The following CCDC85C variants were observed in gnomAD, a reference collection of about 807,000 sequenced individuals.
CCDC85C encodes coiled-coil domain containing 85C, also known as coiled-coil domain-containing protein 85C.
CCDC85C carries 18 observed loss-of-function variants against 38.3 expected under a neutral mutation model. The ratio of observed to expected loss-of-function variants is 0.47; its 90% CI spans 0.33 to 0.70. The LOEUF is 0.70. CCDC85C is among the 30% of genes least tolerant of loss of function. The pLI, the probability that CCDC85C is intolerant of heterozygous loss-of-function variation, is 0.03. For missense variants in CCDC85C, 566 were observed against 621.2 expected, an observed-to-expected ratio of 0.91 and a Z score of 0.94; for synonymous variants, 264 against 293.8, an observed-to-expected ratio of 0.90 and a Z score of 1.04.
At chr14:99,566,608 C>G (rs1395008696) in intron 1 of CCDC85C, among the ~76,000 whole-genome samples, 1 of 152,202 alleles carries the variant, frequency 6.6e-6, no homozygotes, top group Non-Finnish European at 1.5e-5. Context: ...CCCATGAACT[C>G]TGCACCCATT....
intron 1 of CCDC85C, among the ~76,000 whole-genome samples, chr14:99,594,925 TG>T: frequency 6.6e-6 from 1 of 152,254 alleles, no homozygotes; most frequent in Non-Finnish European, 1.5e-5. Flanking sequence ...ATTTATCAGG[TG>T]GGGAGCAGGG....
At position 99,604,042 on chromosome 14, in the gene CCDC85C, G is replaced by A. The variant is rs1014572609; in HGVS notation, c.-83C>T. The A allele has an allele frequency of 1.0e-6, 1 of 984,974 alleles. No homozygotes were observed. The highest frequency in any genetic ancestry group is 1.8e-5 in the African/African-American group (1 of 56,590). The allele number at this position is 984,974 out of a possible 1,614,324, so 61.0% of individuals were successfully genotyped here. ...CCGGGGCTCCGCTGGGCCGGTCCGC[G>A]CGCGGGCGGGGGGCGGCCGGGGGCG... On this transcript the variant is annotated 5_prime_UTR_variant, in exon 1 of 6. Transcript: ENST00000380243.
intron 1 of CCDC85C, among the ~76,000 whole-genome samples, chr14:99,542,604 C>T (rs1378817562): frequency 1.3e-5 from 2 of 152,166 alleles, no homozygotes; most frequent in African/African-American, 2.4e-5. Flanking sequence ...GGGTAGCAGC[C>T]GGCCTCCTCT....
chr14:99,516,315 G>C lies in CCDC85C; in HGVS notation c.1072-29C>G. On this transcript the variant is annotated intron_variant, in intron 4 of 5. Coordinates refer to ENST00000380243, the MANE Select transcript of CCDC85C (RefSeq NM_001144995.2). The surrounding 1 kb of genome is among the most constrained non-coding windows in gnomAD (Gnocchi z 5.5). Reference sequence around the variant, plus strand: ...AAGGGAACGGGTCTCGGGGTCAGGGGCAGAGGCCACCGGCAGACCTCGGGC... The same window carrying C: ...AAGGGAACGGGTCTCGGGGTCAGGGCCAGAGGCCACCGGCAGACCTCGGGC... 1 of 1,506,234 alleles carries C rather than the reference G, an allele frequency of 6.6e-7. No homozygotes were observed. Among genetic ancestry groups the C allele is most frequent in the Non-Finnish European group, 9.0e-7 (1 of 1,106,906 alleles). The allele number at this position is 1,506,234 out of a possible 1,614,324, so 93.3% of individuals were successfully genotyped here.
At chr14:99,561,024 C>T (rs1898106956) in intron 1 of CCDC85C, among the ~76,000 whole-genome samples, 1 of 152,236 alleles carries the variant, frequency 6.6e-6, no homozygotes, top group Admixed American at 6.5e-5. Flanking sequence ...CTCCCTCAGT[C>T]TCCACAGGGC....
chr14:99,603,447 CCCG>C lies in CCDC85C; in HGVS notation c.510_512del (p.Gly173del), dbSNP rs760467178. 195 of 1,270,332 alleles carry C rather than the reference CCCG, an allele frequency of 1.5e-4. No individual in the cohort carries two copies. Among genetic ancestry groups the C allele is most frequent in the South Asian group, 1.3e-3 (47 of 37,160 alleles). 78.7% of individuals were successfully genotyped at this position (1,270,332 alleles called of 1,614,324 possible). A position where few individuals can be genotyped will look rare whatever the true frequency, so the allele number is the denominator to read the frequency against. Reference sequence around the variant, plus strand: ...TGGAGCTGCGGGAGCCGGCGCCGCCCCCGCCGCCGCCGCCACCGCTTGCGGCCC... The same window carrying C: ...TGGAGCTGCGGGAGCCGGCGCCGCCCCCGCCGCCGCCACCGCTTGCGGCCC... On this transcript the variant is annotated inframe_deletion, in exon 1 of 6. Coordinates refer to ENST00000380243, the MANE Select transcript of CCDC85C (RefSeq NM_001144995.2). The surrounding 1 kb of genome is among the most constrained non-coding windows in gnomAD (Gnocchi z 7.5).
intron 1 of CCDC85C, among the ~76,000 whole-genome samples, chr14:99,546,766 C>T (rs573322132): frequency 1.2e-4 from 18 of 152,156 alleles, no homozygotes; most frequent in East Asian, 1.9e-4. Context: ...GCTTCATGAA[C>T]AGGGCTGCAG....
Position 99,516,929 on chromosome 14 carries a change from A to G in CCDC85C, c.1071+159T>C, listed in dbSNP as rs1234387006. Among the ~76,000 whole-genome samples the G allele has an allele frequency of 3.3e-5, 5 of 152,024 alleles. No individual in the cohort carries two copies. The highest frequency in any genetic ancestry group is 9.7e-5 in the African/African-American group (4 of 41,356). On this transcript the variant is annotated intron_variant, in intron 4 of 5. Coordinates refer to ENST00000380243, the MANE Select transcript of CCDC85C (RefSeq NM_001144995.2). This position sits in a 1 kb window ranked among gnomAD's most constrained non-coding sequence, Gnocchi z 5.5. Reference sequence around the variant, plus strand: ...CTTATGACTGCCACCTCTGAGTTCAACCTCACAGTGCTCCAGGCAGCCATG... The same window carrying G: ...CTTATGACTGCCACCTCTGAGTTCAGCCTCACAGTGCTCCAGGCAGCCATG...
intron 1 of CCDC85C, among the ~76,000 whole-genome samples, chr14:99,564,526 C>A (rs768470095): frequency 6.6e-6 from 1 of 152,210 alleles, no homozygotes; most frequent in African/African-American, 2.4e-5. Context: ...CTGTCCTGGG[C>A]GCCAGCACCT....
intron 1 of CCDC85C, among the ~76,000 whole-genome samples, chr14:99,541,272 C>T (rs1458872110): frequency 2.6e-5 from 4 of 152,192 alleles, no homozygotes; most frequent in East Asian, 3.9e-4. Flanking sequence ...TCCTCAGGAG[C>T]GCTCAGCCAT....
chr14:99,512,690 A>C lies in CCDC85C; in HGVS notation c.*2556T>G, dbSNP rs528156315. The C allele has an allele frequency of 6.6e-6, 1 of 152,342 alleles. No individual in the cohort carries two copies. Among genetic ancestry groups the C allele is most frequent in the East Asian group, 1.9e-4 (1 of 5,172 alleles). The allele number at this position is 152,342 out of a possible 1,614,324, so 9.4% of individuals were successfully genotyped here. On this transcript the variant is annotated 3_prime_UTR_variant, in exon 6 of 6. Transcript: ENST00000380243. ...GCGTCCGGCTTCAAGATCAAGAGTC[A>C]GAGCCTTTGAAATGGAAAGGGGGCA... is the stretch of plus-strand genomic sequence containing the variant.
Position 99,522,133 on chromosome 14 carries a change from G to T in CCDC85C, c.975C>A (p.Asn325Lys), listed in dbSNP as rs746236862. 6.5e-7 allele frequency: 1 copy of T among 1,549,406 alleles called. No homozygotes were observed. The highest frequency in any genetic ancestry group is 8.7e-7 in the Non-Finnish European group (1 of 1,145,528). ...GGGCTTTTTTGGGGTGCACACTCACGTTCTGCAGGGAGTCCTGGTAGGAGG... is the reference window on the plus strand; with the variant it reads ...GGGCTTTTTTGGGGTGCACACTCACTTTCTGCAGGGAGTCCTGGTAGGAGG... ...LPPSYQDSLQ[N>K]GPACPAPELP... Residue 325 changes from asparagine (N) to lysine (K), a missense_variant and splice_region_variant, in exon 3 of 6, where the codon AAC becomes AAA. By Grantham distance (94) the Asn-to-Lys change is moderately conservative (BLOSUM62 0). Transcript: ENST00000380243.
chr14:99,575,191 G>C (rs960891550), intron 1 of CCDC85C, among the ~76,000 whole-genome samples: 2 of 152,214 alleles, frequency 1.3e-5, no homozygotes, highest in African/African-American at 4.8e-5. Flanking sequence ...GAGTCTTCGT[G>C]GGGTGAGGCC....
chr14:99,510,789 C>T lies in CCDC85C; in HGVS notation c.*4457G>A. ...GGCAGCCTGGATGAGATAACGTGAG[C>T]CTTTTTTCCCTCTTTGTTTTTTTAA... On this transcript the variant is annotated 3_prime_UTR_variant, in exon 6 of 6. Transcript: ENST00000380243. The T allele has an allele frequency of 2.1e-6, 3 of 1,423,156 alleles. No homozygotes were observed. Among genetic ancestry groups the T allele is most frequent in the Non-Finnish European group, 2.8e-6 (3 of 1,088,690 alleles). 88.2% of individuals were successfully genotyped at this position (1,423,156 alleles called of 1,614,324 possible).
At chr14:99,546,737 G>C (rs927383056) in intron 1 of CCDC85C, among the ~76,000 whole-genome samples, 2 of 152,084 alleles carry the variant, frequency 1.3e-5, no homozygotes, top group Non-Finnish European at 2.9e-5. Flanking sequence ...CCACGGTGCC[G>C]GCGGGGAAAG....
intron 3 of CCDC85C, among the ~76,000 whole-genome samples, chr14:99,518,640 C>G (rs1455467475): frequency 6.6e-6 from 1 of 152,182 alleles, no homozygotes; most frequent in Non-Finnish European, 1.5e-5. Flanking sequence ...GACCTGGGCA[C>G]CTACACCTTC....
intron 1 of CCDC85C, among the ~76,000 whole-genome samples, chr14:99,570,578 T>C (rs1898317297): frequency 5.3e-5 from 8 of 151,816 alleles, no homozygotes; most frequent in South Asian, 2.1e-4. Context: ...GAGAGGGTCA[T>C]GGGAGGGTGT....
At chr14:99,602,312 A>G (rs886914168) in intron 1 of CCDC85C, among the ~76,000 whole-genome samples, 1 of 152,236 alleles carries the variant, frequency 6.6e-6, no homozygotes, top group Non-Finnish European at 1.5e-5. Flanking sequence ...CAGCAGTAAC[A>G]TGGGCGTAGA....
chr14:99,541,974 C>T (rs866425611), intron 1 of CCDC85C, among the ~76,000 whole-genome samples: 1 of 152,204 alleles, frequency 6.6e-6, no homozygotes, highest in African/African-American at 2.4e-5. Flanking sequence ...TACGGCATGG[C>T]TTCCCAGCCC....
Sources: allele counts gnomAD v4.1 joint callset (sites outside exome capture counted in the v4.1 genomes callset), GRCh38; gene constraint gnomAD v4.1.1; non-coding constraint Gnocchi (gnomAD v3.1); transcripts MANE v1.5; gene names NCBI Gene and HGNC (gene_info 2026-07-23, HGNC 2026-07-21).